The following PID1 variants were observed in gnomAD, a reference collection of about 807,000 sequenced individuals.
PID1 encodes phosphotyrosine interaction domain containing 1.
In PID1, 10 loss-of-function variants were observed where a neutral mutation model predicts 19.1. The ratio of observed to expected loss-of-function variants is 0.52; its 90% CI spans 0.32 to 0.89. The LOEUF is 0.89. Ranked by LOEUF, PID1 falls within the 40% of genes least tolerant of loss-of-function variation. The pLI is 0.03. For synonymous variants in PID1, 130 were observed against 116.0 expected, an observed-to-expected ratio of 1.12 and a Z score of -0.78; for missense variants, 248 against 285.3, an observed-to-expected ratio of 0.87 and a Z score of 0.94.
chr2:229,206,682 T>C (rs1322425972), intron 1 of PID1, among the ~76,000 whole-genome samples: 2 of 152,244 alleles, frequency 1.3e-5, no homozygotes, highest in East Asian at 1.9e-4. Flanking sequence ...TTTTATTTTA[T>C]GTATTGGTAC....
intron 2 of PID1, among the ~76,000 whole-genome samples, chr2:229,080,838 C>T (rs968255496): frequency 2.6e-5 from 4 of 152,100 alleles, no homozygotes; most frequent in African/African-American, 7.2e-5. Context: ...TTCTCATGCA[C>T]GAATGCCTGA....
At chr2:229,112,413 G>A (rs1354677516) in intron 2 of PID1, among the ~76,000 whole-genome samples, 1 of 152,198 alleles carries the variant, frequency 6.6e-6, no homozygotes, top group East Asian at 1.9e-4. Flanking sequence ...GTACTCAGCT[G>A]TATTAGTGAA....
At position 229,102,316 on chromosome 2, in the gene PID1, TA is replaced by T. The variant is rs548175639; in HGVS notation, c.177+53501del. Among the ~76,000 whole-genome samples the T allele has an allele frequency of 2.5e-3, 354 of 143,326 alleles. 1 individual carries two copies. Among genetic ancestry groups the T allele is most frequent in the East Asian group, 8.7e-3 (43 of 4,958 alleles). The allele number at this position is 143,326 out of a possible 152,430, so 94.0% of individuals were successfully genotyped here. ...AATACATTTAAAGACTCATCACAAA[TA>T]AAAAAAAAAAGTAAACAAATTTGCA... is the stretch of plus-strand genomic sequence containing the variant. On this transcript the variant is annotated intron_variant, in intron 2 of 2. Transcript: ENST00000392055.
intron 1 of PID1, among the ~76,000 whole-genome samples, chr2:229,183,980 ATATG>A (rs77786413): frequency 0.41 from 17,817 of 43,666 alleles, 8,889 homozygotes; most frequent in South Asian, 0.75. Flanking sequence ...TATATATCCC[ATATG>A]TATGTATATA....
chr2:229,232,299 A>G (rs952696324), intron 1 of PID1, among the ~76,000 whole-genome samples: 16 of 151,620 alleles, frequency 1.1e-4, no homozygotes, highest in African/African-American at 3.4e-4. Context: ...GGGTGTGGTG[A>G]CGGGCACCTG....
intron 1 of PID1, among the ~76,000 whole-genome samples, chr2:229,268,450 A>G (rs557421854): frequency 6.6e-6 from 1 of 152,336 alleles, no homozygotes; most frequent in South Asian, 2.1e-4. Context: ...TATATCATCA[A>G]GAAAGGGTCT....
At chr2:229,120,785 A>C (rs919549991) in intron 2 of PID1, among the ~76,000 whole-genome samples, 2 of 151,998 alleles carry the variant, frequency 1.3e-5, no homozygotes, top group Admixed American at 1.3e-4. Context: ...ATGGGGGTAG[A>C]TCCCTCAGGA....
At chr2:229,239,311 G>A (rs909656202) in intron 1 of PID1, among the ~76,000 whole-genome samples, 4 of 152,090 alleles carry the variant, frequency 2.6e-5, no homozygotes, top group Non-Finnish European at 5.9e-5. Context: ...GAAGTTTATA[G>A]TCATTGGTTG....
In PID1 at chr2:229,025,827, C is replaced by A. The variant is rs777654024; in HGVS notation, c.459G>T (p.Glu153Asp). The change falls in exon 3 of 3, where the codon GAG becomes GAT. Residue 153 changes from glutamate (E) to aspartate (D), a missense_variant. Glu to Asp is a conservative substitution (Grantham distance 45). Transcript: ENST00000392055. ...SPNIFAWVYR[E>D]INDDLSYQMD... ...TCTGGTAGGACAGGTCATCATTGAT[C>A]TCCCTGTAGACCCAGGCGAAGATGT... 5.6e-6 allele frequency: 9 copies of A among 1,614,096 alleles called. No homozygotes were observed. In the South Asian group the frequency reaches 9.9e-5, roughly 18 times the overall value.
chr2:229,129,396 AG>A (rs1689669850), intron 2 of PID1, among the ~76,000 whole-genome samples: 1 of 148,786 alleles, frequency 6.7e-6, no homozygotes, highest in African/African-American at 2.5e-5. Context: ...CCTGGGCAAC[AG>A]AGCAAGACTC....
chr2:229,107,552 C>T (rs937378316), intron 2 of PID1, among the ~76,000 whole-genome samples: 1 of 151,032 alleles, frequency 6.6e-6, no homozygotes, highest in African/African-American at 2.4e-5. Flanking sequence ...GGATGCAGCA[C>T]GTCTTGTTTA....
intron 2 of PID1, among the ~76,000 whole-genome samples, chr2:229,081,787 T>C (rs931946210): frequency 2.6e-5 from 4 of 152,202 alleles, no homozygotes; most frequent in Non-Finnish European, 5.9e-5. Flanking sequence ...GTTAATAGTG[T>C]TTGCAGAATA....
intron 2 of PID1, among the ~76,000 whole-genome samples, chr2:229,103,981 ATTAGGCTT>A (rs1695124085): frequency 6.6e-6 from 1 of 152,212 alleles, no homozygotes; most frequent in Non-Finnish European, 1.5e-5. Context: ...GATGCTTCTT[ATTAGGCTT>A]TTAGGACCAT....
At chr2:229,107,181 G>A (rs1695194622) in intron 2 of PID1, among the ~76,000 whole-genome samples, 1 of 152,154 alleles carries the variant, frequency 6.6e-6, no homozygotes, top group Admixed American at 6.5e-5. Context: ...CCTTCTTGGG[G>A]AAAATGGCCA....
At chr2:229,140,487 G>GCAAA (rs1689989229) in intron 2 of PID1, among the ~76,000 whole-genome samples, 6 of 151,120 alleles carry the variant, frequency 4.0e-5, no homozygotes, top group South Asian at 4.2e-4. Context: ...TTAAAAGAGT[G>GCAAA]CACACACACA....
At chr2:229,040,067 A>G (rs1693738485) in intron 2 of PID1, among the ~76,000 whole-genome samples, 1 of 151,778 alleles carries the variant, frequency 6.6e-6, no homozygotes, top group South Asian at 2.1e-4. Flanking sequence ...AAAAGGAGTG[A>G]GAAAGAGTAT....
At chr2:229,233,413 G>C (rs1247581916) in intron 1 of PID1, among the ~76,000 whole-genome samples, 1 of 152,020 alleles carries the variant, frequency 6.6e-6, no homozygotes, top group Non-Finnish European at 1.5e-5. Context: ...GATGGGGCTG[G>C]GAGACCAAGA....
chr2:229,088,177 C>A (rs4973155), intron 2 of PID1, among the ~76,000 whole-genome samples: 94,056 of 152,048 alleles, frequency 0.62, 31,845 homozygotes, highest in Non-Finnish European at 0.76. Context: ...TATAAAGATT[C>A]TTGATGAAAT....
chr2:229,122,099 G>T (rs1208392327), intron 2 of PID1, among the ~76,000 whole-genome samples: 1 of 152,148 alleles, frequency 6.6e-6, no homozygotes, highest in African/African-American at 2.4e-5. Flanking sequence ...CATCTTAAGA[G>T]AATTAGTAAT....
Sources: gnomAD v4.1 joint callset for allele counts (sites outside exome capture counted in the v4.1 genomes callset) on GRCh38, gnomAD v4.1.1 for gene constraint, MANE v1.5 for transcripts, NCBI Gene and HGNC (gene_info 2026-07-23, HGNC 2026-07-21) for gene names.